Variants in EHBP1 observed in about 807,000 individuals in gnomAD.
EHBP1 encodes EH domain-binding protein 1.
Under a neutral mutation model 144.0 loss-of-function variants are expected in EHBP1, and 55 were observed. The ratio of observed to expected loss-of-function variants is 0.38; its 90% CI spans 0.31 to 0.48. EHBP1 has a LOEUF of 0.48. Ranked by LOEUF, EHBP1 falls within the 20% of genes least tolerant of loss-of-function variation. EHBP1 has a pLI of 0.98. For missense variants in EHBP1, 1,200 were observed against 1,364.2 expected, an observed-to-expected ratio of 0.88 and a Z score of 1.90; for synonymous variants, 469 against 472.7, an observed-to-expected ratio of 0.99 and a Z score of 0.10.
intron 7 of EHBP1, among the ~76,000 whole-genome samples, chr2:62,839,222 CA>C: frequency 6.6e-6 from 1 of 152,192 alleles, no homozygotes; most frequent in South Asian, 2.1e-4. Flanking sequence ...AGCATATAAA[CA>C]GAACCAAAGA....
chr2:63,035,731 T>A (rs2061419228), intron 19 of EHBP1, among the ~76,000 whole-genome samples: 1 of 152,082 alleles, frequency 6.6e-6, no homozygotes, highest in African/African-American at 2.4e-5. Flanking sequence ...ATGTGGCATT[T>A]CACTGATCAA....
At chr2:62,874,302 C>G (rs370671199) in intron 9 of EHBP1, 44 bp from the exon 10 acceptor site, 9 of 1,397,416 alleles carry the variant, frequency 6.4e-6, no homozygotes, top group African/African-American at 1.5e-5. Flanking sequence ...TGTAAATGAA[C>G]TATTTTTTGA....
chr2:62,779,640 G>A (rs967254261), intron 5 of EHBP1, among the ~76,000 whole-genome samples: 4 of 152,106 alleles, frequency 2.6e-5, no homozygotes, highest in Non-Finnish European at 4.4e-5. Flanking sequence ...TCTCAACCAT[G>A]TTCTTTTCTT....
intron 10 of EHBP1, among the ~76,000 whole-genome samples, chr2:62,884,409 C>T (rs186572161): frequency 2.2e-4 from 33 of 152,278 alleles, no homozygotes; most frequent in Non-Finnish European, 4.4e-4. Context: ...CACTCTTAGG[C>T]TTGACCAGTG....
At chr2:62,887,171 A>C (rs928238150) in intron 10 of EHBP1, among the ~76,000 whole-genome samples, 15 of 152,114 alleles carry the variant, frequency 9.9e-5, no homozygotes, top group Admixed American at 9.8e-4. Flanking sequence ...CATTGTCCCC[A>C]TTCTAGTCAA....
intron 5 of EHBP1, among the ~76,000 whole-genome samples, chr2:62,810,759 A>G (rs1195293983): frequency 1.3e-5 from 2 of 152,214 alleles, no homozygotes. Flanking sequence ...TTTCTCTCAG[A>G]ACATCTAATG....
intron 1 of EHBP1, among the ~76,000 whole-genome samples, chr2:62,698,181 A>G (rs1253842379): frequency 6.6e-6 from 1 of 152,258 alleles, no homozygotes; most frequent in African/African-American, 2.4e-5. Flanking sequence ...TATGCCTCCT[A>G]TTCTTGCTTT....
intron 10 of EHBP1, among the ~76,000 whole-genome samples, chr2:62,910,582 A>G (rs1220897658): frequency 1.3e-5 from 2 of 151,832 alleles, no homozygotes; most frequent in Non-Finnish European, 2.9e-5. Context: ...TGTTTGGTAA[A>G]TTTTTGTTGA....
At position 62,996,903 on chromosome 2, in the gene EHBP1, C is replaced by T; in HGVS notation, c.3103+137C>T. The stretch of plus-strand genomic sequence containing the variant: ...TTGAAAATAAAAAGGCTGCGATTTG[C>T]AGCCACCTCTCTGGGCCCTGGTGAT... On this transcript the variant is annotated intron_variant, in intron 19 of 22. Coordinates refer to ENST00000431489, the MANE Select transcript of EHBP1 (RefSeq NM_001142616.3). The T allele has an allele frequency of 4.8e-6, 6 of 1,254,550 alleles. No homozygotes were observed. The South Asian group carries it at 8.6e-5, about 18-fold the overall frequency. The allele number at this position is 1,254,550 out of a possible 1,614,324, so 77.7% of individuals were successfully genotyped here. A position where few individuals can be genotyped will look rare whatever the true frequency, so the allele number is the denominator to read the frequency against.
chr2:63,038,200 A>G (rs1163548913), intron 20 of EHBP1, among the ~76,000 whole-genome samples: 1 of 152,120 alleles, frequency 6.6e-6, no homozygotes, highest in African/African-American at 2.4e-5. Context: ...GCTCACTAGC[A>G]GTATTCTTCT....
chr2:63,020,398 G>T (rs904213976), intron 19 of EHBP1, among the ~76,000 whole-genome samples: 21 of 150,730 alleles, frequency 1.4e-4, no homozygotes, highest in Non-Finnish European at 2.7e-4. Flanking sequence ...AGCTATTTGG[G>T]AGACTGAGTC....
chr2:62,699,617 G>A (rs967857554), intron 1 of EHBP1, among the ~76,000 whole-genome samples: 8 of 152,172 alleles, frequency 5.3e-5, no homozygotes, highest in Admixed American at 5.2e-4. Context: ...AGTTAGGGCT[G>A]GTATTTAGTT....
intron 10 of EHBP1, among the ~76,000 whole-genome samples, chr2:62,900,874 C>A (rs2053362170): frequency 6.6e-6 from 1 of 151,876 alleles, no homozygotes; most frequent in South Asian, 2.1e-4. Context: ...GAAAGTATAT[C>A]TTATGTATTT....
chr2:62,929,104 A>G (rs920693152), intron 10 of EHBP1, among the ~76,000 whole-genome samples: 3 of 152,184 alleles, frequency 2.0e-5, no homozygotes, highest in African/African-American at 4.8e-5. Flanking sequence ...AAATCTCCCA[A>G]AAAAGAAAAG....
intron 7 of EHBP1, among the ~76,000 whole-genome samples, chr2:62,835,592 C>T (rs1163070430): frequency 6.6e-6 from 1 of 152,164 alleles, no homozygotes; most frequent in Non-Finnish European, 1.5e-5. Context: ...GGGTGCATCT[C>T]ACTAGGGAGT....
At chr2:62,866,378 A>G (rs2050040283) in intron 9 of EHBP1, among the ~76,000 whole-genome samples, 1 of 152,250 alleles carries the variant, frequency 6.6e-6, no homozygotes. Flanking sequence ...ATGTAAAGAA[A>G]CAAGAAAATC....
intron 2 of EHBP1, chr2:62,726,647 T>C (rs2151972221): frequency 6.6e-6 from 1 of 152,334 alleles, no homozygotes; most frequent in South Asian, 2.1e-4. Context: ...TTAGACTTGT[T>C]AAGTGCACTA....
At chr2:62,791,177 A>G (rs191135705) in intron 5 of EHBP1, among the ~76,000 whole-genome samples, 12 of 152,166 alleles carry the variant, frequency 7.9e-5, no homozygotes, top group Admixed American at 2.6e-4. Flanking sequence ...CTGAGGTTCT[A>G]TATACCAACT....
At chr2:62,714,800 C>T (rs981383671) in intron 2 of EHBP1, among the ~76,000 whole-genome samples, 1 of 152,074 alleles carries the variant, frequency 6.6e-6, no homozygotes, top group Non-Finnish European at 1.5e-5. Context: ...GATGAACTAG[C>T]ATAGGTTGGA....
Sources: allele counts gnomAD v4.1 joint callset (sites outside exome capture counted in the v4.1 genomes callset), GRCh38; gene constraint gnomAD v4.1.1; transcripts MANE v1.5; gene names NCBI Gene and HGNC (gene_info 2026-07-23, HGNC 2026-07-21).